Variants in RBM43 observed in about 807,000 individuals in gnomAD.
RBM43 encodes RNA-binding protein 43.
RBM43 carries 12 observed loss-of-function variants against 12.4 expected under a neutral mutation model. The observed-to-expected ratio is 0.97, with a 90% CI of 0.62 to 1.57. RBM43 has a LOEUF of 1.57. Ranked by LOEUF, RBM43 falls within the 40% of genes most tolerant of loss-of-function variation. The pLI, the probability that RBM43 is intolerant of heterozygous loss-of-function variation, is 0.00. For synonymous variants in RBM43, 138 were observed against 145.7 expected (o/e 0.95, Z 0.38); for missense variants, 348 against 400.1 (o/e 0.87, Z 1.11).
intron 1 of RBM43, chr2:151,261,116 G>A (rs1683040016): frequency 2.0e-6 from 2 of 992,526 alleles, no homozygotes; most frequent in African/African-American, 1.6e-5. Flanking sequence ...GGAATTAAAG[G>A]CCTTGCCAAG....
At chr2:151,258,174 T>C (rs1366722056) in intron 1 of RBM43, among the ~76,000 whole-genome samples, 1 of 151,596 alleles carries the variant, frequency 6.6e-6, no homozygotes, top group East Asian at 1.9e-4. Context: ...GGGGTTATAG[T>C]GAACAGGTGA....
At chr2:151,261,221 T>G in intron 1 of RBM43, 125 of 1,528,344 alleles carry the variant, frequency 8.2e-5, no homozygotes, top group Non-Finnish European at 1.0e-4. Context: ...ACATAAGACA[T>G]GAGGATGTCT....
rs950147148 is a variant in RBM43 at position 151,260,084 on chromosome 2, T to C, written c.3+1641A>G. ...TTTCACCATGTTGACCAGGCTGGTCTCAAACTCCTGACCTCGTGATCCGCT... is the reference window on the plus strand; with the variant it reads ...TTTCACCATGTTGACCAGGCTGGTCCCAAACTCCTGACCTCGTGATCCGCT... On this transcript the variant is annotated intron_variant, in intron 1 of 3. Coordinates refer to ENST00000331426, the MANE Select transcript of RBM43 (RefSeq NM_198557.3). Among the ~76,000 whole-genome samples, 6 of 151,862 alleles carry C rather than the reference T, an allele frequency of 4.0e-5. 1 individual carries two copies. The South Asian group carries it at 1.0e-3, about 26-fold the overall frequency.
intron 2 of RBM43, among the ~76,000 whole-genome samples, chr2:151,254,089 C>T (rs1018894336): frequency 1.3e-5 from 2 of 151,900 alleles, no homozygotes; most frequent in African/African-American, 4.8e-5. Context: ...TTTAAATAAA[C>T]AAATATCTAA....
intron 1 of RBM43, among the ~76,000 whole-genome samples, chr2:151,260,526 TTA>T (rs1683032908): frequency 6.6e-6 from 1 of 152,204 alleles, no homozygotes; most frequent in South Asian, 2.1e-4. Flanking sequence ...TACTGGTAAT[TTA>T]TCTTTAAAAT....
chr2:151,257,939 A>G (rs749583179), intron 1 of RBM43, among the ~76,000 whole-genome samples: 3 of 151,716 alleles, frequency 2.0e-5, no homozygotes, highest in African/African-American at 4.8e-5. Context: ...GTGTGGTGGC[A>G]GGCACCTGTA....
Position 151,261,409 on chromosome 2 carries a change from T to G in RBM43, c.3+316A>C. On this transcript the variant is annotated intron_variant, in intron 1 of 3. Transcript: ENST00000331426. ...GACGAACGGCGGCGTCCCCGTCGCC[T>G]GGGCAGTGGGTGTGGGAGGTGACAG... The G allele has an allele frequency of 1.9e-6, 3 of 1,550,570 alleles. No individual in the cohort carries two copies. The South Asian group carries it at 3.6e-5, about 18-fold the overall frequency.
chr2:151,255,387 T>A, intron 2 of RBM43, 146 bp downstream of exon 2: 2 of 555,198 alleles, frequency 3.6e-6, no homozygotes, highest in Non-Finnish European at 6.3e-6. Context: ...CACCGCACTC[T>A]AACCTGGGCA....
intron 1 of RBM43, 37 bp downstream of exon 1, chr2:151,261,688 G>A (rs1683049158): frequency 1.3e-6 from 2 of 1,589,894 alleles, no homozygotes; most frequent in South Asian, 2.3e-5. Flanking sequence ...TACAGGCACG[G>A]ACCTGCACCG....
chr2:151,252,814 T>C lies in RBM43; in HGVS notation c.256A>G (p.Arg86Gly), dbSNP rs112847482. The C allele has an allele frequency of 1.9e-6, 3 of 1,612,106 alleles. No homozygotes were observed. Among genetic ancestry groups the C allele is most frequent in the Non-Finnish European group, 2.5e-6 (3 of 1,178,402 alleles). ...GTGAGTTCAGCATGTCTAGTCTTCC[T>C]TGCTAGCCAGTGTTTCTTTTGTCTG... is the stretch of plus-strand genomic sequence containing the variant. ...VIRQKKHWLA[R>G]KTRHAELTVS... Residue 86 changes from arginine (R) to glycine (G), a missense_variant, in exon 3 of 4, where the codon AGG becomes GGG. Coordinates refer to ENST00000331426, the MANE Select transcript of RBM43 (RefSeq NM_198557.3).
chr2:151,254,795 C>T (rs1682950726), intron 2 of RBM43, among the ~76,000 whole-genome samples: 1 of 152,090 alleles, frequency 6.6e-6, no homozygotes, highest in Admixed American at 6.6e-5. Context: ...TTCAACTTTG[C>T]CAGTAATAAG....
At position 151,251,515 on chromosome 2, in the gene RBM43, T is replaced by C. The variant is rs1457348138; in HGVS notation, c.465A>G (p.Ser155=). ...CTCTGAGCCTCTTGACAGCCAGAAA[T>C]GATCCTTCCACGGAGATTCTTCCAT... ...KPNGRISVEG[S]FLAVKRLRES... Residue 155 remains serine, a synonymous_variant, in exon 4 of 4, where the codon TCA becomes TCG. Transcript: ENST00000331426. The C allele has an allele frequency of 6.2e-7, 1 of 1,614,234 alleles. No homozygotes were observed. The highest frequency in any genetic ancestry group is 8.5e-7 in the Non-Finnish European group (1 of 1,180,040).
chr2:151,257,479 G>A (rs1211364824), intron 1 of RBM43, among the ~76,000 whole-genome samples: 2 of 152,076 alleles, frequency 1.3e-5, no homozygotes, highest in Non-Finnish European at 2.9e-5. Context: ...ATCACCTGAG[G>A]TTGGGAGTTC....
At chr2:151,254,246 CA>C (rs1468078532) in intron 2 of RBM43, among the ~76,000 whole-genome samples, 2 of 152,068 alleles carry the variant, frequency 1.3e-5, no homozygotes, top group African/African-American at 4.8e-5. Flanking sequence ...TGGTAAATAA[CA>C]GGTACTCAGA....
chr2:151,258,047 C>T (rs758574221), intron 1 of RBM43, among the ~76,000 whole-genome samples: 17 of 148,960 alleles, frequency 1.1e-4, no homozygotes, highest in South Asian at 4.2e-4. Context: ...CAGCCCTGGA[C>T]GACAAGAGCA....
At chr2:151,252,990 A>T (rs1682925190) in intron 2 of RBM43, 135 bp from the exon 3 acceptor site, 1 of 541,098 alleles carries the variant, frequency 1.8e-6, no homozygotes, top group Admixed American at 3.1e-5. Context: ...TCAACATTCA[A>T]ATCACTTTTT....
intron 1 of RBM43, 107 bp from the exon 2 acceptor site, chr2:151,255,850 G>A (rs1236385102): frequency 1.4e-5 from 11 of 809,396 alleles, no homozygotes; most frequent in Middle Eastern, 5.3e-4. Context: ...AAGTGCCGGT[G>A]CAGCTGGTTA....
chr2:151,254,788 A>T (rs902605971), intron 2 of RBM43, among the ~76,000 whole-genome samples: 13 of 152,166 alleles, frequency 8.5e-5, no homozygotes, highest in African/African-American at 2.7e-4. Context: ...TTCTCAATTC[A>T]ACTTTGCCAG....
chr2:151,250,941 CT>C lies in RBM43; in HGVS notation c.1038del (p.Val348SerfsTer2). 1.3e-6 allele frequency: 2 copies of C among 1,599,572 alleles called. No homozygotes were observed. The highest frequency in any genetic ancestry group is 1.7e-5 in the Admixed American group (1 of 57,598). On this transcript the variant is annotated frameshift_variant, in exon 4 of 4. Transcript: ENST00000331426. LOFTEE classifies it low-confidence loss of function (END_TRUNC). Reference sequence around the variant, plus strand: ...TTTTGCCCTATTAATTTCATGACCCCTTTTTTAAACAGGTAAGTGTCAGAAG... The same window carrying C: ...TTTTGCCCTATTAATTTCATGACCCCTTTTTAAACAGGTAAGTGTCAGAAG... ...GSSSDTYLFK[K>X]GVMKLIGQKV...
Sources: gnomAD v4.1 joint callset for allele counts (sites outside exome capture counted in the v4.1 genomes callset) on GRCh38, gnomAD v4.1.1 for gene constraint, MANE v1.5 for transcripts, NCBI Gene and HGNC (gene_info 2026-07-23, HGNC 2026-07-21) for gene names.